The following RUSC1 variants were observed in gnomAD, a reference collection of about 807,000 sequenced individuals.
RUSC1 encodes the protein AP-4 complex accessory subunit RUSC1.
RUSC1 carries 40 observed loss-of-function variants against 72.1 expected under a neutral mutation model. That is an observed-to-expected ratio of 0.55 (90% CI 0.43 to 0.72). The LOEUF is 0.72. Among genes scored for constraint, RUSC1 ranks in the 30% least tolerant of loss-of-function variants. The probability of loss-of-function intolerance (pLI) is 0.00; values close to 1 mark genes in which losing one functional copy is unlikely to be tolerated. For missense variants in RUSC1, 1,092 were observed against 1,172.3 expected, an observed-to-expected ratio of 0.93 and a Z score of 1.00; for synonymous variants, 512 against 494.2, an observed-to-expected ratio of 1.04 and a Z score of -0.48.
At position 155,325,025 on chromosome 1, in the gene RUSC1, C is replaced by A; in HGVS notation, c.1457-77C>A. ...GCCCTGCTCTCAGGCTGTCCGAAGG[C>A]AGTCTCTCCACGCCCCTCGGGCAAG... On this transcript the variant is annotated intron_variant, in intron 3 of 9. Coordinates refer to ENST00000368352, the MANE Select transcript of RUSC1 (RefSeq NM_001105203.2). The surrounding 1 kb of genome is among the most constrained non-coding windows in gnomAD (Gnocchi z 6.5). 6.2e-7 allele frequency: 1 copy of A among 1,613,688 alleles called. No homozygotes were observed.
At chr1:155,321,133 AC>A in intron 1 of RUSC1, 142 bp downstream of exon 1, 1 of 1,378,520 alleles carries the variant, frequency 7.3e-7, no homozygotes, top group Non-Finnish European at 9.7e-7. Flanking sequence ...GAATGGACAT[AC>A]CGCTGTTCCG....
chr1:155,324,127 G>C, intron 2 of RUSC1: 2 of 1,268,672 alleles, frequency 1.6e-6, no homozygotes, highest in Non-Finnish European at 2.0e-6. Flanking sequence ...GTTGTTAGGG[G>C]CTTTGGGTCA....
Position 155,326,298 on chromosome 1 carries a change from T to C in RUSC1, c.1862-282T>C. On this transcript the variant is annotated intron_variant, in intron 7 of 9. Transcript: ENST00000368352. The surrounding 1 kb of genome is among the most constrained non-coding windows in gnomAD (Gnocchi z 4.7). ...CTCGGACTAGGCCAACCCCCACGCC[T>C]CATTTTGTATGTGCTTCTATGGCTC... is the stretch of plus-strand genomic sequence containing the variant. 1.8e-6 allele frequency: 1 copy of C among 552,272 alleles called. No individual in the cohort carries two copies. The highest frequency in any genetic ancestry group is 3.2e-6 in the Non-Finnish European group (1 of 310,402). The allele number at this position is 552,272 out of a possible 1,614,324, so 34.2% of individuals were successfully genotyped here.
chr1:155,324,465 G>T (rs757095481), intron 2 of RUSC1: 1 of 1,611,666 alleles, frequency 6.2e-7, no homozygotes, highest in African/African-American at 1.3e-5. Context: ...ACTGGGCCCC[G>T]GGGCGGTGCG....
Position 155,321,971 on chromosome 1 carries a change from C to A in RUSC1, c.198C>A (p.Ser66Arg). The A allele has an allele frequency of 6.3e-7, 1 of 1,598,484 alleles. No homozygotes were observed. The highest frequency in any genetic ancestry group is 1.1e-5 in the South Asian group (1 of 88,888). The change falls in exon 2 of 10, where the codon AGC (serine) becomes AGA (arginine). Residue 66 changes from serine (S) to arginine (R), a missense_variant. By Grantham distance (110) the Ser-to-Arg change is moderately radical. Transcript: ENST00000368352. Reference sequence around the variant, plus strand: ...CCCTGGTGGACGCCAATTCCAACAGCCCAGCTGTGCCCTGCCGGTGCTGCC... The same window carrying A: ...CCCTGGTGGACGCCAATTCCAACAGACCAGCTGTGCCCTGCCGGTGCTGCC... ...SGTLVDANSN[S>R]PAVPCRCCQE...
chr1:155,322,235 C>G lies in RUSC1; in HGVS notation c.462C>G (p.Thr154=). The part of the protein sequence containing the change: ...GSPLASAGPG[T]CSPDSFCCSP... ...CACTGGCTTCAGCAGGCCCTGGCAC[C>G]TGCTCACCGGACAGCTTCTGCTGCT... Residue 154 remains threonine, a synonymous_variant, in exon 2 of 10, where the codon ACC becomes ACG. Coordinates refer to ENST00000368352, the MANE Select transcript of RUSC1 (RefSeq NM_001105203.2). The G allele has an allele frequency of 6.2e-7, 1 of 1,613,086 alleles. No homozygotes were observed. Among genetic ancestry groups the G allele is most frequent in the Non-Finnish European group, 8.5e-7 (1 of 1,179,274 alleles).
intron 8 of RUSC1, among the ~76,000 whole-genome samples, chr1:155,327,682 CAGCT>C (rs1359384487): frequency 6.6e-6 from 1 of 152,120 alleles, no homozygotes; most frequent in African/African-American, 2.4e-5. Flanking sequence ...GTGGTAGTCC[CAGCT>C]ACTCTAGGAG....
Position 155,325,403 on chromosome 1 carries a change from G to T in RUSC1, c.1621G>T (p.Asp541Tyr). 6.3e-7 allele frequency: 1 copy of T among 1,592,422 alleles called. No individual in the cohort carries two copies. Residue 541 changes from aspartate (D) to tyrosine (Y), a missense_variant, in exon 5 of 10, where the codon GAC becomes TAC. By Grantham distance (160) the Asp-to-Tyr change is radical. Transcript: ENST00000368352. This position sits in a 1 kb window ranked among gnomAD's most constrained non-coding sequence, Gnocchi z 6.5. ...CCCGGCCCTCCACGCCCTGGTGGCG[G>T]ACGGGCTGAAGCCTTTCCGGAAGGA... ...LCPALHALVADGLKPFRKDLI... is the reference protein window; with the variant it reads ...LCPALHALVAYGLKPFRKDLI...
Position 155,322,921 on chromosome 1 carries a change from C to G in RUSC1, c.1148C>G (p.Pro383Arg). ...CGGTCCCGAAGCCGGGCCCCAGCCC[C>G]GCCAGTCCCGCCTCGAGACCCCCCA... ...ELRSRSRAPAPPVPPRDPPVG... is the reference protein window; with the variant it reads ...ELRSRSRAPARPVPPRDPPVG... The change falls in exon 2 of 10, where the codon CCG becomes CGG. Residue 383 changes from proline (P) to arginine (R), a missense_variant. By Grantham distance (103) the Pro-to-Arg change is moderately radical. Coordinates refer to ENST00000368352, the MANE Select transcript of RUSC1 (RefSeq NM_001105203.2). The G allele has an allele frequency of 6.3e-7, 1 of 1,596,804 alleles. No homozygotes were observed. Among genetic ancestry groups the G allele is most frequent in the Non-Finnish European group, 8.5e-7 (1 of 1,170,584 alleles).
In RUSC1 at chr1:155,327,062, C is replaced by A; in HGVS notation, c.2344C>A (p.Leu782Ile). ...PTDEMAPGRGLWLGRLFGVPG... is the reference protein window; with the variant it reads ...PTDEMAPGRGIWLGRLFGVPG... The stretch of plus-strand genomic sequence containing the variant: ...AGATGAGATGGCACCAGGCAGGGGC[C>A]TCTGGTTGGGAAGACTATTTGGAGT... The change falls in exon 8 of 10, where the codon CTC becomes ATC. Residue 782 changes from leucine (L) to isoleucine (I), a missense_variant. Physicochemically the swap from Leu to Ile is conservative, Grantham distance 5. Coordinates refer to ENST00000368352, the MANE Select transcript of RUSC1 (RefSeq NM_001105203.2). 6.2e-7 allele frequency: 1 copy of A among 1,613,346 alleles called. No homozygotes were observed. The highest frequency in any genetic ancestry group is 1.1e-5 in the South Asian group (1 of 91,084).
chr1:155,324,078 C>G, intron 2 of RUSC1: 1 of 1,144,840 alleles, frequency 8.7e-7, no homozygotes, highest in South Asian at 2.2e-5. Context: ...GCGGGCTTAC[C>G]CAGCCTCCAT....
intron 8 of RUSC1, 92 bp downstream of exon 8, chr1:155,327,224 G>A: frequency 7.7e-7 from 1 of 1,294,464 alleles, no homozygotes; most frequent in Non-Finnish European, 1.1e-6. Flanking sequence ...GATCCTTTAG[G>A]GCAGAGATTG....
intron 2 of RUSC1, chr1:155,324,068 G>A: frequency 8.9e-7 from 1 of 1,119,718 alleles, no homozygotes; most frequent in Non-Finnish European, 1.1e-6. Context: ...CATAGTGGAC[G>A]CGGGCTTACC....
Position 155,324,887 on chromosome 1 carries a change from G to T in RUSC1, c.1400G>T (p.Arg467Leu). ...WSFAGVPGAQ[R>L]LWMAEAQSGT... ...TTCGCCGGTGTCCCCGGAGCCCAGC[G>T]GCTGTGGATGGCAGAAGCCCAGAGT... Residue 467 changes from arginine to leucine, a missense_variant, in exon 3 of 10, where the codon CGG (arginine) becomes CTG (leucine). Physicochemically the swap from Arg to Leu is moderately radical, Grantham distance 102. Coordinates refer to ENST00000368352, the MANE Select transcript of RUSC1 (RefSeq NM_001105203.2). 6.2e-7 allele frequency: 1 copy of T among 1,614,238 alleles called. No individual in the cohort carries two copies. Among genetic ancestry groups the T allele is most frequent in the Admixed American group, 1.7e-5 (1 of 60,030 alleles).
At chr1:155,329,432 G>A (rs1269895032) in intron 9 of RUSC1, among the ~76,000 whole-genome samples, 8 of 133,488 alleles carry the variant, frequency 6.0e-5, no homozygotes, top group African/African-American at 1.2e-4. Context: ...TTGCTCTGTC[G>A]CCCAGGCTGG....
intron 2 of RUSC1, chr1:155,324,592 G>T: frequency 6.4e-7 from 1 of 1,560,144 alleles, no homozygotes; most frequent in South Asian, 1.2e-5. Context: ...CTGGAGGTGG[G>T]GGCTGTGCCC....
chr1:155,323,999 G>T (rs763790915), intron 2 of RUSC1: 3 of 1,026,264 alleles, frequency 2.9e-6, no homozygotes, highest in African/African-American at 3.5e-5. Flanking sequence ...GCTGGAGGGG[G>T]AAGTTGTTGC....
rs1557989896 is a variant in RUSC1, at chr1:155,322,416, G to T, written c.643G>T (p.Ala215Ser). ...QDLPTSELLE[A>S]DDGKIDAGKT... ...TCTCCCTACCTCTGAGCTCTTAGAG[G>T]CGGATGATGGGAAAATCGACGCTGG... is the stretch of plus-strand genomic sequence containing the variant. The change falls in exon 2 of 10, where the codon GCG (alanine) becomes TCG (serine). Residue 215 changes from alanine (A) to serine (S), a missense_variant. Ala to Ser is a moderately conservative substitution (Grantham distance 99, BLOSUM62 1). Coordinates refer to ENST00000368352, the MANE Select transcript of RUSC1 (RefSeq NM_001105203.2). 1 of 1,614,150 alleles carries T rather than the reference G, an allele frequency of 6.2e-7. No homozygotes were observed.
rs765191779 is a variant in RUSC1, at chr1:155,325,939, G to A, written c.1861+29G>A. On this transcript the variant is annotated intron_variant, in intron 7 of 9. Transcript: ENST00000368352. This position sits in a 1 kb window ranked among gnomAD's most constrained non-coding sequence, Gnocchi z 6.5. ...AGAGGTTCAGATGGTAGAGGATGGG[G>A]CTGATGGGCTGGGAGGATGGGAAGG... 72 of 1,610,784 alleles carry A rather than the reference G, an allele frequency of 4.5e-5. No individual in the cohort carries two copies. Among genetic ancestry groups the A allele is most frequent in the Non-Finnish European group, 6.0e-5 (71 of 1,177,098 alleles).
Sources: gnomAD v4.1 joint callset for allele counts (sites outside exome capture counted in the v4.1 genomes callset) on GRCh38, gnomAD v4.1.1 for gene constraint, Gnocchi (gnomAD v3.1) non-coding constraint, MANE v1.5 for transcripts, NCBI Gene and HGNC (gene_info 2026-07-23, HGNC 2026-07-21) for gene names.